The following RBFOX1 variants were observed in gnomAD, a reference collection of about 807,000 sequenced individuals.
RBFOX1 encodes the protein RNA binding fox-1 homolog 1.
Under a neutral mutation model 57.7 loss-of-function variants are expected in RBFOX1, and 8 were observed. The ratio of observed to expected loss-of-function variants is 0.14; its 90% CI spans 0.08 to 0.25. RBFOX1 has a LOEUF of 0.25. RBFOX1 is among the 10% of genes least tolerant of loss of function. The pLI is 1.00. For synonymous variants in RBFOX1, 326 were observed against 222.4 expected (o/e 1.47, Z -4.15); for missense variants, 611 against 548.5 (o/e 1.11, Z -1.14).
At chr16:6,149,685 G>A (rs964049008) in intron 1 of RBFOX1, among the ~76,000 whole-genome samples, 2 of 152,132 alleles carry the variant, frequency 1.3e-5, no homozygotes, top group African/African-American at 4.8e-5. Context: ...GTAGAATACT[G>A]ACACTTTATA....
chr16:5,281,548 A>G (rs557118565), intron 1 of RBFOX1, among the ~76,000 whole-genome samples: 1 of 152,274 alleles, frequency 6.6e-6, no homozygotes, highest in African/African-American at 2.4e-5. Flanking sequence ...CTATCATTAT[A>G]TTGGTCTCTA....
chr16:7,190,887 G>T (rs1161070076), intron 4 of RBFOX1, among the ~76,000 whole-genome samples: 1 of 152,164 alleles, frequency 6.6e-6, no homozygotes, highest in East Asian at 1.9e-4. Flanking sequence ...GATGTTAACT[G>T]TTTAGAGAAT....
intron 4 of RBFOX1, among the ~76,000 whole-genome samples, chr16:7,280,055 A>G (rs2095511320): frequency 6.6e-6 from 1 of 152,180 alleles, no homozygotes; most frequent in Non-Finnish European, 1.5e-5. Flanking sequence ...CTGCGATTGG[A>G]TCTGTATTCA....
At chr16:5,477,982 TC>T (rs2069390954) in intron 2 of RBFOX1, among the ~76,000 whole-genome samples, 1 of 152,118 alleles carries the variant, frequency 6.6e-6, no homozygotes, top group South Asian at 2.1e-4. Context: ...CCCACCTCAC[TC>T]CCCACTTCTA....
In RBFOX1 at chr16:6,331,757, G is replaced by A. The variant is rs964178270; in HGVS notation, c.-64+14700G>A. Among the ~76,000 whole-genome samples, 33 of 129,514 alleles carry A rather than the reference G, an allele frequency of 2.5e-4. 1 individual carries two copies. The highest frequency in any genetic ancestry group is 2.2e-3 in the Admixed American group (26 of 12,022). The allele number at this position is 129,514 out of a possible 152,430, so 85.0% of individuals were successfully genotyped here. A position where few individuals can be genotyped will look rare whatever the true frequency, so the allele number is the denominator to read the frequency against. On this transcript the variant is annotated intron_variant, in intron 2 of 15. Transcript: ENST00000550418. ...CTGCAGAAATCATGCAATTTTTTTTGTTTCACCTTTTTTTAAAAAAAAAAA... is the reference window on the plus strand; with the variant it reads ...CTGCAGAAATCATGCAATTTTTTTTATTTCACCTTTTTTTAAAAAAAAAAA...
chr16:7,608,046 A>G (rs1196390348), intron 10 of RBFOX1, among the ~76,000 whole-genome samples: 1 of 152,168 alleles, frequency 6.6e-6, no homozygotes, highest in African/African-American at 2.4e-5. Flanking sequence ...TACTGCCTGT[A>G]TGTCTCCTTG....
At chr16:6,427,657 G>A (rs979204427) in intron 2 of RBFOX1, among the ~76,000 whole-genome samples, 6 of 152,170 alleles carry the variant, frequency 3.9e-5, no homozygotes, top group African/African-American at 1.4e-4. Flanking sequence ...GCAAACAATT[G>A]TATTACCATT....
chr16:7,677,480 G>A (rs1166099163), intron 14 of RBFOX1, among the ~76,000 whole-genome samples: 2 of 152,128 alleles, frequency 1.3e-5, no homozygotes, highest in African/African-American at 4.8e-5. Flanking sequence ...CAGTGTGTTT[G>A]AGGAATGCAG....
chr16:6,723,343 A>G (rs1272537398), intron 3 of RBFOX1, among the ~76,000 whole-genome samples: 3 of 152,098 alleles, frequency 2.0e-5, no homozygotes, highest in African/African-American at 7.3e-5. Context: ...GAGCATAGGC[A>G]GGTTATAACA....
In RBFOX1 at chr16:6,704,090, C is replaced by T. The variant is rs538697569; in HGVS notation, c.-16+49440C>T. ...AGTTGAGGGAGTCTATACTGCCAGG[C>T]ACTATCCTTGCTCTTCTAATTTCTT... On this transcript the variant is annotated intron_variant, in intron 3 of 15. Coordinates refer to ENST00000550418, the MANE Select transcript of RBFOX1 (RefSeq NM_018723.4). 306 of 152,372 alleles carry T rather than the reference C, an allele frequency of 2.0e-3. 1 individual carries two copies. Among genetic ancestry groups the T allele is most frequent in the Non-Finnish European group, 2.8e-3 (193 of 68,106 alleles). 9.4% of individuals were successfully genotyped at this position (152,372 alleles called of 1,614,324 possible). A position where few individuals can be genotyped will look rare whatever the true frequency, so the allele number is the denominator to read the frequency against.
chr16:6,474,843 A>G lies in RBFOX1; in HGVS notation c.-64+157786A>G, dbSNP rs149565465. Among the ~76,000 whole-genome samples the G allele has an allele frequency of 1.6e-3, 245 of 152,334 alleles. 1 individual carries two copies. The Middle Eastern group carries it at 0.024, about 15-fold the overall frequency. On this transcript the variant is annotated intron_variant, in intron 2 of 15. Transcript: ENST00000550418. Reference sequence around the variant, plus strand: ...TGACTCATCGGTTTCACTTTTAGGTATCTACCCTGAGATAAGGCACAGAGA... The same window carrying G: ...TGACTCATCGGTTTCACTTTTAGGTGTCTACCCTGAGATAAGGCACAGAGA...
At chr16:5,296,222 G>A (rs547636101) in intron 1 of RBFOX1, among the ~76,000 whole-genome samples, 2 of 152,278 alleles carry the variant, frequency 1.3e-5, no homozygotes, top group South Asian at 4.1e-4. Context: ...ACTCGGTGTA[G>A]CATTTTATGA....
intron 5 of RBFOX1, among the ~76,000 whole-genome samples, chr16:7,519,181 A>G (rs1453011228): frequency 6.6e-6 from 1 of 152,180 alleles, no homozygotes; most frequent in Non-Finnish European, 1.5e-5. Context: ...CAGCCTAAAT[A>G]CAAATCTTGT....
intron 3 of RBFOX1, among the ~76,000 whole-genome samples, chr16:6,838,062 C>T (rs1025603700): frequency 6.6e-6 from 1 of 151,440 alleles, no homozygotes; most frequent in Non-Finnish European, 1.5e-5. Context: ...GCAGAACATG[C>T]AGGTTTGTTA....
chr16:5,289,438 CATT>C (rs2063482002), intron 1 of RBFOX1: 1 of 251,084 alleles, frequency 4.0e-6, no homozygotes, highest in Non-Finnish European at 7.9e-6. Flanking sequence ...ATCAAATACA[CATT>C]AGATTGTGAA....
At chr16:6,391,266 T>C (rs543412661) in intron 2 of RBFOX1, among the ~76,000 whole-genome samples, 2 of 152,184 alleles carry the variant, frequency 1.3e-5, no homozygotes, top group South Asian at 2.1e-4. Flanking sequence ...TCCCAGCACT[T>C]TGGGAGGCCC....
chr16:6,135,768 G>T (rs1202491719), intron 1 of RBFOX1, among the ~76,000 whole-genome samples: 1 of 148,288 alleles, frequency 6.7e-6, no homozygotes, highest in Non-Finnish European at 1.5e-5. Flanking sequence ...AATTCCTGGA[G>T]ATGGCACTCG....
intron 4 of RBFOX1, among the ~76,000 whole-genome samples, chr16:7,227,179 C>T (rs1008454239): frequency 3.3e-5 from 5 of 151,996 alleles, no homozygotes; most frequent in African/African-American, 1.2e-4. Context: ...TACATGGTAG[C>T]CTATGCAATG....
In RBFOX1 at chr16:6,720,610, G is replaced by A. The variant is rs117461192; in HGVS notation, c.-16+65960G>A. The stretch of plus-strand genomic sequence containing the variant: ...GAGAAACAGAAGTGAGAGGGGTGCT[G>A]CTGGAGAATAGTTGGGGAGAAAGAG... On this transcript the variant is annotated intron_variant, in intron 3 of 15. Transcript: ENST00000550418. Among the ~76,000 whole-genome samples the A allele has an allele frequency of 5.4e-3, 822 of 152,276 alleles. 6 individuals are homozygous for A. The highest frequency in any genetic ancestry group is 0.031 in the Middle Eastern group (9 of 294).
Sources: gnomAD v4.1 joint callset for allele counts (sites outside exome capture counted in the v4.1 genomes callset) on GRCh38, gnomAD v4.1.1 for gene constraint, MANE v1.5 for transcripts, NCBI Gene and HGNC (gene_info 2026-07-23, HGNC 2026-07-21) for gene names.